ADARB1: variants seen among roughly 807,000 people sequenced by gnomAD.
ADARB1 encodes the protein double-stranded RNA-specific editase 1.
A neutral mutation model predicts 52.4 loss-of-function variants in ADARB1; 10 were observed. The ratio of observed to expected loss-of-function variants is 0.19; its 90% CI spans 0.12 to 0.32. The LOEUF (loss-of-function observed/expected upper bound fraction) is 0.32, where lower values mean the gene tolerates loss of function less well. Ranked by LOEUF, ADARB1 falls within the 10% of genes least tolerant of loss-of-function variation. ADARB1 has a pLI of 1.00. For missense variants in ADARB1, 643 were observed against 922.3 expected (o/e 0.70, Z 3.92); for synonymous variants, 349 against 371.1 (o/e 0.94, Z 0.68).
At chr21:45,091,003 T>C (rs2086540825) in intron 1 of ADARB1, among the ~76,000 whole-genome samples, 1 of 152,288 alleles carries the variant, frequency 6.6e-6, no homozygotes, top group South Asian at 2.1e-4. Flanking sequence ...GCTGCCATGT[T>C]ATATTCATGA....
At chr21:45,163,034 C>T (rs995629892) in intron 2 of ADARB1, among the ~76,000 whole-genome samples, 8 of 152,344 alleles carry the variant, frequency 5.3e-5, no homozygotes, top group Non-Finnish European at 5.9e-5. Flanking sequence ...GTTTTGCAGA[C>T]GGCAGGCTGG....
chr21:45,220,222 A>G lies in ADARB1; in HGVS notation c.1748-614A>G, dbSNP rs1264848514. Among the ~76,000 whole-genome samples, 1 of 152,154 alleles carries G rather than the reference A, an allele frequency of 6.6e-6. No homozygotes were observed. The highest frequency in any genetic ancestry group is 1.5e-5 in the Non-Finnish European group (1 of 68,006). On this transcript the variant is annotated intron_variant, in intron 9 of 10. Transcript: ENST00000348831. This position sits in a 1 kb window ranked among gnomAD's most constrained non-coding sequence, Gnocchi z 6.3. ...TTTATTTTGGTGCCAAAAAATTTTG[A>G]AATCCATGAGGTTTTTTCATAATAA...
intron 8 of ADARB1, among the ~76,000 whole-genome samples, chr21:45,202,365 G>T (rs1367245722): frequency 6.6e-6 from 1 of 152,188 alleles, no homozygotes; most frequent in Non-Finnish European, 1.5e-5. Flanking sequence ...TCAGTGCTGG[G>T]GCATATCCAG....
At chr21:45,141,486 A>T (rs987654294) in intron 2 of ADARB1, among the ~76,000 whole-genome samples, 4 of 152,218 alleles carry the variant, frequency 2.6e-5, no homozygotes, top group African/African-American at 7.2e-5. Flanking sequence ...TATCAAATTT[A>T]TATTCAGAGC....
At chr21:45,173,111 T>C (rs977884053) in intron 3 of ADARB1, among the ~76,000 whole-genome samples, 2 of 152,244 alleles carry the variant, frequency 1.3e-5, no homozygotes, top group African/African-American at 4.8e-5. Flanking sequence ...AGAGGCTTTG[T>C]GATCGTGTAG....
rs889934783 is a variant in ADARB1 at position 45,207,624 on chromosome 21, C to G, written c.1747+2888C>G. Among the ~76,000 whole-genome samples the G allele has an allele frequency of 5.3e-5, 8 of 152,322 alleles. No homozygotes were observed. The East Asian group carries it at 5.8e-4, about 11-fold the overall frequency. On this transcript the variant is annotated intron_variant, in intron 9 of 10. Transcript: ENST00000348831. Reference sequence around the variant, plus strand: ...AAAAGTCTTACATTTGACAAGTGACCTGGACAGAGGAGCTACCAGGACATT... The same window carrying G: ...AAAAGTCTTACATTTGACAAGTGACGTGGACAGAGGAGCTACCAGGACATT...
At chr21:45,109,294 A>T (rs918132507) in intron 1 of ADARB1, among the ~76,000 whole-genome samples, 1 of 141,038 alleles carries the variant, frequency 7.1e-6, no homozygotes, top group Non-Finnish European at 1.5e-5. Flanking sequence ...GCTTGTGCAT[A>T]TATGTGTGTG....
intron 2 of ADARB1, among the ~76,000 whole-genome samples, chr21:45,167,325 GTT>G (rs1306825719): frequency 6.6e-6 from 1 of 152,234 alleles, no homozygotes; most frequent in East Asian, 1.9e-4. Flanking sequence ...TTTTATTGTT[GTT>G]GTAAAGTTTG....
At chr21:45,158,026 CG>C in intron 2 of ADARB1, among the ~76,000 whole-genome samples, 1 of 152,316 alleles carries the variant, frequency 6.6e-6, no homozygotes, top group Middle Eastern at 3.4e-3. Context: ...GTCCAGACCT[CG>C]GGGTGATCAC....
intron 1 of ADARB1, among the ~76,000 whole-genome samples, chr21:45,127,351 CTG>C (rs1368233314): frequency 1.3e-5 from 2 of 152,218 alleles, no homozygotes; most frequent in Admixed American, 1.3e-4. Flanking sequence ...CCCTCATTCT[CTG>C]TGCTGGACAA....
intron 1 of ADARB1, among the ~76,000 whole-genome samples, chr21:45,118,983 T>C (rs1275769286): frequency 1.3e-5 from 2 of 152,224 alleles, no homozygotes; most frequent in East Asian, 1.9e-4. Flanking sequence ...TGCACTATTA[T>C]GGTTCATTCA....
intron 1 of ADARB1, among the ~76,000 whole-genome samples, chr21:45,089,120 C>G (rs2086461679): frequency 6.6e-6 from 1 of 152,132 alleles, no homozygotes; most frequent in South Asian, 2.1e-4. Flanking sequence ...GTGGTGTAGC[C>G]AATTGTATTG....
At chr21:45,135,689 C>A (rs562322334) in intron 2 of ADARB1, among the ~76,000 whole-genome samples, 15 of 152,340 alleles carry the variant, frequency 9.8e-5, no homozygotes, top group Non-Finnish European at 2.2e-4. Context: ...GCGAGAAAGG[C>A]TTTCTGGAAC....
chr21:45,106,679 T>G lies in ADARB1; in HGVS notation c.-219-21723T>G, dbSNP rs1412871088. ...TCCTTCCAGTGGGAGGTACACAAAT[T>G]TAACTTAACTATAGTTAAACAAGAG... On this transcript the variant is annotated intron_variant, in intron 1 of 10. Coordinates refer to ENST00000348831, the MANE Select transcript of ADARB1 (RefSeq NM_001112.4). 4.6e-5 allele frequency among the ~76,000 whole-genome samples: 7 copies of G among 152,342 alleles called. No individual in the cohort carries two copies. The East Asian group carries it at 1.3e-3, about 29-fold the overall frequency.
At chr21:45,171,554 C>G (rs2091482919) in intron 2 of ADARB1, 56 bp from the exon 3 acceptor site, 5 of 1,081,572 alleles carry the variant, frequency 4.6e-6, no homozygotes, top group Non-Finnish European at 7.0e-6. Context: ...AGTAGACTTA[C>G]TTCATATTAC....
chr21:45,218,875 GT>G (rs35751243), intron 9 of ADARB1, among the ~76,000 whole-genome samples: 76,780 of 151,996 alleles, frequency 0.51, 19,779 homozygotes, highest in South Asian at 0.56. Flanking sequence ...GTCTGCCCAT[GT>G]TCTAAGCATG....
At chr21:45,129,491 G>T (rs1344788387) in intron 2 of ADARB1, among the ~76,000 whole-genome samples, 1 of 152,238 alleles carries the variant, frequency 6.6e-6, no homozygotes, top group African/African-American at 2.4e-5. Context: ...AGGAACGCAG[G>T]TGTGCTCCTG....
chr21:45,198,497 T>TCACA (rs755171317), intron 8 of ADARB1, among the ~76,000 whole-genome samples: 4 of 95,018 alleles, frequency 4.2e-5, no homozygotes, highest in South Asian at 3.8e-4. Context: ...TTAAATTAAA[T>TCACA]CACACACACA....
At chr21:45,087,646 C>A (rs1223139551) in intron 1 of ADARB1, among the ~76,000 whole-genome samples, 1 of 152,048 alleles carries the variant, frequency 6.6e-6, no homozygotes, top group Admixed American at 6.5e-5. Context: ...TCTCAGTACA[C>A]CTTTTAGTGT....
Sources: gnomAD v4.1 joint callset for allele counts (sites outside exome capture counted in the v4.1 genomes callset) on GRCh38, gnomAD v4.1.1 for gene constraint, Gnocchi (gnomAD v3.1) non-coding constraint, MANE v1.5 for transcripts, NCBI Gene and HGNC (gene_info 2026-07-23, HGNC 2026-07-21) for gene names.